The following MINK1 variants were observed in gnomAD, a reference collection of about 807,000 sequenced individuals.
MINK1 encodes misshapen like kinase 1, also known as misshapen-like kinase 1.
In MINK1, 46 loss-of-function variants were observed where a neutral mutation model predicts 178.4. The ratio of observed to expected loss-of-function variants is 0.26; its 90% CI spans 0.20 to 0.33. MINK1 has a LOEUF of 0.33. Among genes scored for constraint, MINK1 ranks in the 10% least tolerant of loss-of-function variants. The pLI, the probability that MINK1 is intolerant of heterozygous loss-of-function variation, is 1.00. For synonymous variants in MINK1, 797 were observed against 709.7 expected (o/e 1.12, Z -1.96); for missense variants, 1,366 against 1,814.9 (o/e 0.75, Z 4.49).
intron 1 of MINK1, among the ~76,000 whole-genome samples, chr17:4,855,402 C>T (rs538704084): frequency 3.1e-4 from 46 of 146,072 alleles, no homozygotes; most frequent in African/African-American, 1.0e-3. Context: ...AGGAGAATGG[C>T]GTGAACCTCG....
chr17:4,894,930 C>A lies in MINK1; in HGVS notation c.2918-145C>A. 3 of 883,752 alleles carry A rather than the reference C, an allele frequency of 3.4e-6. No individual in the cohort carries two copies. The highest frequency in any genetic ancestry group is 3.4e-6 in the Non-Finnish European group (2 of 583,616). The allele number at this position is 883,752 out of a possible 1,614,324, so 54.7% of individuals were successfully genotyped here. The stretch of plus-strand genomic sequence containing the variant: ...ACTCCAAGTCCAGCACTCTATCCCC[C>A]TCTCCCATGCACCTCCTCTCCTCCT... On this transcript the variant is annotated intron_variant, in intron 24 of 31. Coordinates refer to ENST00000355280, the MANE Select transcript of MINK1 (RefSeq NM_153827.5). The surrounding 1 kb of genome is among the most constrained non-coding windows in gnomAD (Gnocchi z 4.1).
At chr17:4,882,011 G>A (rs149204704) in intron 4 of MINK1, among the ~76,000 whole-genome samples, 123 of 152,388 alleles carry the variant, frequency 8.1e-4, no homozygotes, top group African/African-American at 2.9e-3. Context: ...CTGTATAGAT[G>A]AGCATGAGCC....
At chr17:4,849,332 A>T in intron 1 of MINK1, among the ~76,000 whole-genome samples, 1 of 152,224 alleles carries the variant, frequency 6.6e-6, no homozygotes, top group East Asian at 1.9e-4. Context: ...CCTGAGGGGA[A>T]AACCTATGCC....
intron 2 of MINK1, 149 bp downstream of exon 2, chr17:4,878,531 G>A (rs1268223531): frequency 2.9e-6 from 2 of 681,242 alleles, no homozygotes; most frequent in East Asian, 3.0e-5. Context: ...GTGGGGGAGA[G>A]GAAAGAGCAC....
intron 19 of MINK1, 67 bp downstream of exon 19, chr17:4,892,835 G>C (rs1265834182): frequency 6.8e-7 from 1 of 1,477,780 alleles, no homozygotes. Context: ...CCCTGCCTTT[G>C]GTGGCTTTGG....
chr17:4,873,617 CTTTTTT>C (rs71367860), intron 1 of MINK1, among the ~76,000 whole-genome samples: 1 of 108,086 alleles, frequency 9.3e-6, no homozygotes, highest in African/African-American at 3.6e-5. Flanking sequence ...TTTTTCTTTT[CTTTTTT>C]TTTTTTTTTT....
rs1474469564 is a variant in MINK1 at position 4,892,486 on chromosome 17, GC to G, written c.2177del (p.Pro726LeufsTer80). 6.4e-7 allele frequency: 1 copy of G among 1,561,542 alleles called. No homozygotes were observed. Among genetic ancestry groups the G allele is most frequent in the Non-Finnish European group, 8.7e-7 (1 of 1,153,344 alleles). Reference sequence around the variant, plus strand: ...CAAAGCCTCCAGGGCCCCCTGCTCAGCCCCCTGGCCCGCCCAACGCCTCTAG... The same window carrying G: ...CAAAGCCTCCAGGGCCCCCTGCTCAGCCCCTGGCCCGCCCAACGCCTCTAG... Reference protein sequence around the residue: ...TPKPPGPPAQPPGPPNASSNP... With the variant: ...TPKPPGPPAQXPGPPNASSNP... On this transcript the variant is annotated frameshift_variant, in exon 18 of 32. Transcript: ENST00000355280. LOFTEE classifies it high-confidence loss of function.
intron 1 of MINK1, among the ~76,000 whole-genome samples, chr17:4,876,429 G>T (rs1967189976): frequency 6.6e-6 from 1 of 152,166 alleles, no homozygotes; most frequent in Non-Finnish European, 1.5e-5. Flanking sequence ...GCTCCTCTTT[G>T]AGAAAATGGA....
chr17:4,873,544 T>C (rs1481655692), intron 1 of MINK1, among the ~76,000 whole-genome samples: 1 of 149,364 alleles, frequency 6.7e-6, no homozygotes, highest in African/African-American at 2.5e-5. Flanking sequence ...TCCTTTAACA[T>C]CCCCAATTCA....
At chr17:4,872,140 G>C (rs186291948) in intron 1 of MINK1, among the ~76,000 whole-genome samples, 1 of 151,572 alleles carries the variant, frequency 6.6e-6, no homozygotes, top group African/African-American at 2.4e-5. Flanking sequence ...CACTGGCCTG[G>C]ACAACATGGT....
At position 4,890,959 on chromosome 17, in the gene MINK1, G is replaced by A; in HGVS notation, c.1575G>A (p.Glu525=). The part of the protein sequence containing the change: ...DKPAWAREVE[E]RTRMNKQQNS... ...ATCCCTTCACATCACAGGTAGAAGA[G>A]AGAACAAGGATGAACAAGCAGCAGA... is the stretch of plus-strand genomic sequence containing the variant. The change falls in exon 15 of 32, where the codon GAG becomes GAA. Residue 525 remains glutamate, a synonymous_variant. Transcript: ENST00000355280. The A allele has an allele frequency of 6.4e-7, 1 of 1,555,862 alleles. No individual in the cohort carries two copies. The highest frequency in any genetic ancestry group is 8.7e-7 in the Non-Finnish European group (1 of 1,149,490).
intron 1 of MINK1, among the ~76,000 whole-genome samples, chr17:4,859,558 C>T (rs905188973): frequency 4.0e-5 from 6 of 151,850 alleles, no homozygotes; most frequent in Admixed American, 3.3e-4. Context: ...GAGGCTGAGG[C>T]GGATGGATCA....
In MINK1 at chr17:4,891,465, G is replaced by A. The variant is rs1160741919; in HGVS notation, c.1750G>A (p.Ala584Thr). Reference protein sequence around the residue: ...PQEGPHKSLVAHRVPLKPYAA... With the variant: ...PQEGPHKSLVTHRVPLKPYAA... The stretch of plus-strand genomic sequence containing the variant: ...TGGTCTCTCCCTGCAGAGCCTGGTG[G>A]CACACCGGGTCCCACTGAAGCCATA... The change falls in exon 16 of 32, where the codon GCA becomes ACA. Residue 584 changes from alanine (A) to threonine (T), a missense_variant. This residue lies in a region of MINK1 where 709 missense variants were observed against 692.3 expected (regional missense o/e 1.02). Transcript: ENST00000355280. The A allele has an allele frequency of 3.8e-6, 6 of 1,575,766 alleles. No homozygotes were observed. The highest frequency in any genetic ancestry group is 2.6e-6 in the Non-Finnish European group (3 of 1,155,576).
Position 4,887,054 on chromosome 17 carries a change from G to T in MINK1, c.950-56G>T, listed in dbSNP as rs1168416868. The stretch of plus-strand genomic sequence containing the variant: ...GTTATCCCCACCCAAGGTTTCCCTA[G>T]CCCACGGCGGGTCTGGGGCGCTGGG... On this transcript the variant is annotated intron_variant, in intron 10 of 31. Transcript: ENST00000355280. The surrounding 1 kb of genome is among the most constrained non-coding windows in gnomAD (Gnocchi z 7.6). 3.9e-6 allele frequency: 6 copies of T among 1,537,630 alleles called. No homozygotes were observed. The highest frequency in any genetic ancestry group is 5.3e-6 in the Non-Finnish European group (6 of 1,134,146).
chr17:4,871,719 C>G (rs1915879712), intron 1 of MINK1, among the ~76,000 whole-genome samples: 1 of 152,162 alleles, frequency 6.6e-6, no homozygotes, highest in Non-Finnish European at 1.5e-5. Context: ...GATATGATAA[C>G]TCATTGTTTA....
intron 13 of MINK1, 139 bp downstream of exon 13, chr17:4,889,902 G>C: frequency 7.6e-6 from 5 of 661,782 alleles, no homozygotes; most frequent in East Asian, 5.6e-5. Flanking sequence ...CTTTCTCTCT[G>C]TTTTCTCCCA....
intron 21 of MINK1, 176 bp from the exon 22 acceptor site, chr17:4,893,812 C>A: frequency 3.4e-6 from 3 of 870,608 alleles, no homozygotes; most frequent in South Asian, 1.9e-5. Context: ...TGCCAGCCTG[C>A]CCTGTGTGCC....
intron 1 of MINK1, among the ~76,000 whole-genome samples, chr17:4,840,757 G>A (rs1461660571): frequency 6.6e-6 from 1 of 152,212 alleles, no homozygotes; most frequent in African/African-American, 2.4e-5. Context: ...TGAGTGGGGT[G>A]TGGAGGGGGA....
At chr17:4,870,894 C>T (rs775498987) in intron 1 of MINK1, among the ~76,000 whole-genome samples, 2 of 152,142 alleles carry the variant, frequency 1.3e-5, no homozygotes, top group Non-Finnish European at 2.9e-5. Context: ...CAGACTTATG[C>T]AACCATCTTC....
Sources: allele counts gnomAD v4.1 joint callset (sites outside exome capture counted in the v4.1 genomes callset), GRCh38; gene constraint gnomAD v4.1.1; regional missense constraint gnomAD v4.1.1; non-coding constraint Gnocchi (gnomAD v3.1); transcripts MANE v1.5; gene names NCBI Gene and HGNC (gene_info 2026-07-23, HGNC 2026-07-21).